Variants in PEMT observed in about 807,000 individuals in gnomAD.
The protein encoded by PEMT is phosphatidylethanolamine N-methyltransferase.
PEMT carries 23 observed loss-of-function variants against 27.4 expected under a neutral mutation model. That is an observed-to-expected ratio of 0.84 (90% CI 0.60 to 1.19). The LOEUF (loss-of-function observed/expected upper bound fraction) is 1.19, where lower values mean the gene tolerates loss of function less well. PEMT is among the 50% of genes most tolerant of loss of function. PEMT has a pLI of 0.00. For missense variants in PEMT, 307 were observed against 310.1 expected, an observed-to-expected ratio of 0.99 and a Z score of 0.07; for synonymous variants, 137 against 139.1, an observed-to-expected ratio of 0.98 and a Z score of 0.11.
intron 3 of PEMT, among the ~76,000 whole-genome samples, chr17:17,519,577 C>T (rs1393168474): frequency 6.6e-6 from 1 of 152,134 alleles, no homozygotes; most frequent in Non-Finnish European, 1.5e-5. Context: ...GGCCTGTCCC[C>T]CTGGTCTCCT....
intron 1 of PEMT, among the ~76,000 whole-genome samples, chr17:17,581,767 C>T (rs1021959939): frequency 1.3e-5 from 2 of 152,120 alleles, no homozygotes; most frequent in Non-Finnish European, 2.9e-5. Flanking sequence ...TGGTGGTGTC[C>T]ATCCGGTCAC....
In PEMT at chr17:17,591,679, C is replaced by T; in HGVS notation, c.-53G>A. The T allele has an allele frequency of 1.3e-6, 2 of 1,572,946 alleles. No individual in the cohort carries two copies. Among genetic ancestry groups the T allele is most frequent in the Middle Eastern group, 1.7e-4 (1 of 5,874 alleles). ...CGGGCCCCGCTGCAGCCACGCGCCC[C>T]CGGAACCGGACCTATAGAGCCGGGT... On this transcript the variant is annotated 5_prime_UTR_variant, in exon 1 of 7. Transcript: ENST00000255389.
intron 2 of PEMT, among the ~76,000 whole-genome samples, chr17:17,524,615 AT>A (rs1305805103): frequency 8.2e-5 from 12 of 145,670 alleles, no homozygotes; most frequent in South Asian, 4.3e-4. Context: ...AAAAAAAAAA[AT>A]AATAAAAAAA....
At chr17:17,589,513 A>G (rs1912489981) in intron 1 of PEMT, among the ~76,000 whole-genome samples, 1 of 152,062 alleles carries the variant, frequency 6.6e-6, no homozygotes, top group Non-Finnish European at 1.5e-5. Context: ...GCTATTTTCC[A>G]TTTCTTCTCA....
In PEMT at chr17:17,569,835, C is replaced by T. The variant is rs544963860; in HGVS notation, c.204+7085G>A. ...GCTGTGCCTCCCATGCTGGCTCCCT[C>T]GGGACAACACAGGGCATGGCAGGGC... On this transcript the variant is annotated intron_variant, in intron 2 of 6. Transcript: ENST00000255389. Among the ~76,000 whole-genome samples the T allele has an allele frequency of 2.6e-3, 391 of 152,296 alleles. 1 individual carries two copies. The highest frequency in any genetic ancestry group is 7.0e-3 in the African/African-American group (290 of 41,574).
chr17:17,557,518 G>A (rs569337410), intron 2 of PEMT, among the ~76,000 whole-genome samples: 40 of 152,358 alleles, frequency 2.6e-4, no homozygotes, highest in Admixed American at 7.2e-4. Context: ...GGACCCAGGC[G>A]GTAATGAGGA....
intron 3 of PEMT, chr17:17,517,906 C>T (rs948345026): frequency 1.1e-5 from 10 of 898,082 alleles, no homozygotes; most frequent in Non-Finnish European, 1.2e-5. Context: ...CTGCACCCCA[C>T]CCACCCAGAC....
chr17:17,570,233 G>A (rs1201517573), intron 2 of PEMT, among the ~76,000 whole-genome samples: 1 of 152,222 alleles, frequency 6.6e-6, no homozygotes, highest in Non-Finnish European at 1.5e-5. Context: ...TGCCAGGATT[G>A]GGGACACAGA....
At chr17:17,577,580 G>T in intron 1 of PEMT, 1 of 907,696 alleles carries the variant, frequency 1.1e-6, no homozygotes, top group Non-Finnish European at 1.3e-6. Context: ...GGGGCACGTG[G>T]ACACTGCCCC....
intron 2 of PEMT, among the ~76,000 whole-genome samples, chr17:17,568,648 G>T (rs570973282): frequency 6.6e-6 from 1 of 152,172 alleles, no homozygotes; most frequent in Non-Finnish European, 1.5e-5. Flanking sequence ...CGGCTTTCCC[G>T]GCACCTGGAG....
chr17:17,558,634 G>A (rs1910237394), intron 2 of PEMT, among the ~76,000 whole-genome samples: 1 of 147,490 alleles, frequency 6.8e-6, no homozygotes, highest in Non-Finnish European at 1.5e-5. Context: ...AGTGAGCAGA[G>A]ATGGCGCTAC....
intron 2 of PEMT, among the ~76,000 whole-genome samples, chr17:17,543,794 C>G (rs1909056404): frequency 6.6e-6 from 1 of 152,194 alleles, no homozygotes; most frequent in African/African-American, 2.4e-5. Context: ...AACTGCTGAC[C>G]TCAGGTGACC....
At chr17:17,552,661 T>C (rs574298732) in intron 2 of PEMT, among the ~76,000 whole-genome samples, 5 of 152,358 alleles carry the variant, frequency 3.3e-5, no homozygotes, top group African/African-American at 9.6e-5. Flanking sequence ...GCCCCTCTCA[T>C]GGAAATGTGC....
In PEMT at chr17:17,561,363, G is replaced by A. The variant is rs949481970; in HGVS notation, c.204+15557C>T. Among the ~76,000 whole-genome samples, 4 of 152,200 alleles carry A rather than the reference G, an allele frequency of 2.6e-5. No individual in the cohort carries two copies. The highest frequency in any genetic ancestry group is 2.1e-4 in the South Asian group (1 of 4,832). ...GGCCAGCCACAGCCGGAACCCAAGC[G>A]GTGAGGCTGCAAGCTGGAAGCTAAG... On this transcript the variant is annotated intron_variant, in intron 2 of 6. Coordinates refer to ENST00000255389, the MANE Select transcript of PEMT (RefSeq NM_148172.3). This position sits in a 1 kb window ranked among gnomAD's most constrained non-coding sequence, Gnocchi z 4.5.
chr17:17,584,852 C>G (rs1229051994), intron 1 of PEMT, among the ~76,000 whole-genome samples: 1 of 152,246 alleles, frequency 6.6e-6, no homozygotes. Context: ...CGCTGAGCAC[C>G]GCTTCCTAGC....
chr17:17,543,829 T>G (rs1224917595), intron 2 of PEMT, among the ~76,000 whole-genome samples: 2 of 152,166 alleles, frequency 1.3e-5, no homozygotes, highest in African/African-American at 4.8e-5. Context: ...TCCCAGAGTG[T>G]TGGGATTACG....
intron 2 of PEMT, chr17:17,570,882 G>T (rs1317241524): frequency 4.1e-6 from 4 of 985,294 alleles, no homozygotes; most frequent in Non-Finnish European, 4.8e-6. Flanking sequence ...TGAGAAGAGG[G>T]AGTCCATCCT....
intron 2 of PEMT, among the ~76,000 whole-genome samples, chr17:17,530,196 T>C (rs969281460): frequency 6.6e-6 from 1 of 152,162 alleles, no homozygotes; most frequent in Non-Finnish European, 1.5e-5. Flanking sequence ...ATGTTTTGCA[T>C]AATTAAGAGT....
intron 6 of PEMT, 48 bp downstream of exon 6, chr17:17,506,179 A>G: frequency 4.3e-6 from 6 of 1,410,494 alleles, no homozygotes; most frequent in Non-Finnish European, 4.9e-6. Flanking sequence ...AGGGAGAGAC[A>G]GGGCCAGTCG....
Sources: gnomAD v4.1 joint callset for allele counts (sites outside exome capture counted in the v4.1 genomes callset) on GRCh38, gnomAD v4.1.1 for gene constraint, Gnocchi (gnomAD v3.1) non-coding constraint, MANE v1.5 for transcripts, NCBI Gene and HGNC (gene_info 2026-07-23, HGNC 2026-07-21) for gene names.